LMNTD1: variants seen among roughly 807,000 people sequenced by gnomAD.
The protein encoded by LMNTD1 is lamin tail domain-containing protein 1.
Under a neutral mutation model 50.9 loss-of-function variants are expected in LMNTD1, and 35 were observed. That is an observed-to-expected ratio of 0.69 (90% CI 0.53 to 0.91). The LOEUF (loss-of-function observed/expected upper bound fraction) is 0.91, where lower values mean the gene tolerates loss of function less well. LMNTD1 is among the 40% of genes least tolerant of loss of function. The probability of loss-of-function intolerance (pLI) is 0.00; values close to 1 mark genes in which losing one functional copy is unlikely to be tolerated. For missense variants in LMNTD1, 470 were observed against 475.5 expected, an observed-to-expected ratio of 0.99 and a Z score of 0.11; for synonymous variants, 153 against 161.9, an observed-to-expected ratio of 0.94 and a Z score of 0.42.
chr12:25,526,420 C>T (rs2136083385), intron 5 of LMNTD1, among the ~76,000 whole-genome samples: 1 of 152,304 alleles, frequency 6.6e-6, no homozygotes, highest in East Asian at 1.9e-4. Flanking sequence ...AGGACCCCTC[C>T]TGCATGAGCT....
chr12:25,627,481 C>A (rs1946615887), intron 1 of LMNTD1, among the ~76,000 whole-genome samples: 1 of 152,134 alleles, frequency 6.6e-6, no homozygotes. Flanking sequence ...CCTGAATGTC[C>A]TTCAGGTGCT....
At chr12:25,598,518 CAAAT>C (rs1183720938) in intron 1 of LMNTD1, among the ~76,000 whole-genome samples, 2 of 151,350 alleles carry the variant, frequency 1.3e-5, no homozygotes, top group Non-Finnish European at 3.0e-5. Context: ...AGAGCAGAAA[CAAAT>C]AAAATTGAAA....
At position 25,503,818 on chromosome 12, in the gene LMNTD1, T is replaced by C; in HGVS notation, c.1190-18A>G. On this transcript the variant is annotated intron_variant, in intron 8 of 9. Transcript: ENST00000458174. ...CTTAGACCCTGAAAATTAAAAAAAA[T>C]AATTAAAAAAAGGAGAGAGGCTAGG... 2 of 1,485,728 alleles carry C rather than the reference T, an allele frequency of 1.3e-6. No individual in the cohort carries two copies. The highest frequency in any genetic ancestry group is 1.8e-6 in the Non-Finnish European group (2 of 1,082,376). The allele number at this position is 1,485,728 out of a possible 1,614,324, so 92.0% of individuals were successfully genotyped here.
At chr12:25,573,288 CCTA>C (rs949714007) in intron 1 of LMNTD1, among the ~76,000 whole-genome samples, 21 of 152,170 alleles carry the variant, frequency 1.4e-4, no homozygotes, top group African/African-American at 3.6e-4. Flanking sequence ...ATTCCAATTG[CCTA>C]CTACAAGTTC....
At chr12:25,561,546 G>C (rs1032432160) in intron 1 of LMNTD1, among the ~76,000 whole-genome samples, 3 of 152,290 alleles carry the variant, frequency 2.0e-5, no homozygotes, top group South Asian at 4.2e-4. Context: ...TTGCTGAGGA[G>C]TGCTTTACTT....
chr12:25,601,412 A>C (rs1945970787), intron 1 of LMNTD1, among the ~76,000 whole-genome samples: 1 of 151,936 alleles, frequency 6.6e-6, no homozygotes, highest in Admixed American at 6.6e-5. Flanking sequence ...CAATGGGGTG[A>C]CTATAGTCAA....
chr12:25,633,485 CCA>C (rs1355752814), intron 1 of LMNTD1, among the ~76,000 whole-genome samples: 2 of 152,144 alleles, frequency 1.3e-5, no homozygotes, highest in Admixed American at 1.3e-4. Flanking sequence ...CTCTGTCAGA[CCA>C]CAGTGGAATA....
chr12:25,587,723 G>T (rs1945579868), intron 1 of LMNTD1, among the ~76,000 whole-genome samples: 1 of 152,206 alleles, frequency 6.6e-6, no homozygotes, highest in South Asian at 2.1e-4. Context: ...CATTGAAGAA[G>T]AAATCACTAT....
At chr12:25,558,657 C>A (rs974806298) in intron 1 of LMNTD1, among the ~76,000 whole-genome samples, 1 of 152,138 alleles carries the variant, frequency 6.6e-6, no homozygotes, top group African/African-American at 2.4e-5. Context: ...TTCCACATGG[C>A]CGGGGAGGCC....
At chr12:25,586,761 G>C (rs906613342) in intron 1 of LMNTD1, among the ~76,000 whole-genome samples, 1 of 152,162 alleles carries the variant, frequency 6.6e-6, no homozygotes, top group African/African-American at 2.4e-5. Flanking sequence ...ATGGTGAACT[G>C]GATCTCTGGA....
chr12:25,588,332 G>A lies in LMNTD1; in HGVS notation c.59-41778C>T, dbSNP rs561099124. On this transcript the variant is annotated intron_variant, in intron 1 of 7. Transcript: ENST00000445693. Reference sequence around the variant, plus strand: ...TTCGATGAGTACTAGTTTGTTTTAAGTTTATTTAAATTTCAACTCAGATAA... The same window carrying A: ...TTCGATGAGTACTAGTTTGTTTTAAATTTATTTAAATTTCAACTCAGATAA... 3.3e-5 allele frequency among the ~76,000 whole-genome samples: 5 copies of A among 152,248 alleles called. No homozygotes were observed. In the South Asian group the frequency reaches 6.2e-4, roughly 19 times the overall value.
In LMNTD1 at chr12:25,605,901, T is replaced by C. The variant is rs1327739514; in HGVS notation, c.58+42593A>G. ...CATTGGTAGCTTGATGGGGATGGCATTGAATCTATAAATTACCTTGGGCAG... is the reference window on the plus strand; with the variant it reads ...CATTGGTAGCTTGATGGGGATGGCACTGAATCTATAAATTACCTTGGGCAG... On this transcript the variant is annotated intron_variant, in intron 1 of 7. Transcript: ENST00000445693. 2.0e-5 allele frequency among the ~76,000 whole-genome samples: 3 copies of C among 152,220 alleles called. No homozygotes were observed. The East Asian group carries it at 5.8e-4, about 29-fold the overall frequency.
chr12:25,486,632 G>A (rs1003702624), intron 9 of LMNTD1, among the ~76,000 whole-genome samples: 19 of 149,662 alleles, frequency 1.3e-4, no homozygotes, highest in Admixed American at 6.7e-5. Flanking sequence ...TATGATATTG[G>A]CTGTGGGTTT....
chr12:25,645,791 C>T (rs1947057616), intron 1 of LMNTD1, among the ~76,000 whole-genome samples: 1 of 152,306 alleles, frequency 6.6e-6, no homozygotes, highest in Middle Eastern at 3.4e-3. Flanking sequence ...CTACCTCCTT[C>T]ACAGGGTTGT....
intron 1 of LMNTD1, among the ~76,000 whole-genome samples, chr12:25,605,285 G>T (rs189681112): frequency 0.018 from 2,811 of 152,142 alleles, 40 homozygotes; most frequent in African/African-American, 0.03. Context: ...TTTCTCCCAT[G>T]TTGTAGGTTG....
At position 25,553,238 on chromosome 12, in the gene LMNTD1, G is replaced by A; in HGVS notation, c.-200C>T. The A allele has an allele frequency of 6.7e-7, 1 of 1,485,960 alleles. No homozygotes were observed. The highest frequency in any genetic ancestry group is 8.9e-7 in the Non-Finnish European group (1 of 1,121,448). The allele number at this position is 1,485,960 out of a possible 1,614,324, so 92.0% of individuals were successfully genotyped here. On this transcript the variant is annotated 5_prime_UTR_variant, in exon 1 of 10. Coordinates refer to ENST00000458174, the MANE Select transcript of LMNTD1 (RefSeq NM_001145728.2). ...TGCAGGTGTGTAGCATTCACTGGAA[G>A]CAGCTTGAGAGGGCAGTAACTTGGC... is the stretch of plus-strand genomic sequence containing the variant.
At chr12:25,548,267 T>G (rs1943553476) in intron 3 of LMNTD1, among the ~76,000 whole-genome samples, 1 of 151,560 alleles carries the variant, frequency 6.6e-6, no homozygotes. Flanking sequence ...CAAAATGAAA[T>G]ATATTAGAAA....
At chr12:25,623,429 C>T (rs1946517806) in intron 1 of LMNTD1, among the ~76,000 whole-genome samples, 1 of 151,632 alleles carries the variant, frequency 6.6e-6, no homozygotes, top group Non-Finnish European at 1.5e-5. Flanking sequence ...TGGCATGCAC[C>T]TGTAATCCTA....
intron 1 of LMNTD1, among the ~76,000 whole-genome samples, chr12:25,607,939 A>C (rs150079154): frequency 1.3e-5 from 2 of 152,106 alleles, no homozygotes; most frequent in Non-Finnish European, 1.5e-5. Flanking sequence ...TGAGGTGTTA[A>C]AGTCTCCCAT....
Sources: gnomAD v4.1 joint callset for allele counts (sites outside exome capture counted in the v4.1 genomes callset) on GRCh38, gnomAD v4.1.1 for gene constraint, MANE v1.5 for transcripts, NCBI Gene and HGNC (gene_info 2026-07-23, HGNC 2026-07-21) for gene names.